The following COL6A5 variants were observed in gnomAD, a reference collection of about 807,000 sequenced individuals.
COL6A5 encodes collagen alpha-5(VI) chain.
In COL6A5, 48 loss-of-function variants were observed where a neutral mutation model predicts 65.6. The observed-to-expected ratio is 0.73, with a 90% CI of 0.58 to 0.93. The LOEUF (loss-of-function observed/expected upper bound fraction) is 0.93. Ranked by LOEUF, COL6A5 falls within the 40% of genes least tolerant of loss-of-function variation. COL6A5 has a pLI of 0.00. For missense variants in COL6A5, 914 were observed against 928.3 expected, an observed-to-expected ratio of 0.98 and a Z score of 0.20; for synonymous variants, 291 against 322.8, an observed-to-expected ratio of 0.90 and a Z score of 1.05.
At chr3:130,386,488 G>C (rs982995205) in intron 5 of COL6A5, among the ~76,000 whole-genome samples, 1 of 152,028 alleles carries the variant, frequency 6.6e-6, no homozygotes, top group Non-Finnish European at 1.5e-5. Context: ...TAAAAAATAA[G>C]TAAGCAAATA....
At chr3:130,352,128 C>T (rs894763957) in intron 1 of COL6A5, among the ~76,000 whole-genome samples, 3 of 151,924 alleles carry the variant, frequency 2.0e-5, no homozygotes, top group Non-Finnish European at 4.4e-5. Flanking sequence ...GGATACAGGG[C>T]GGGGAACATC....
chr3:130,415,598 G>A (rs775362354), intron 22 of COL6A5, 47 bp from the exon 23 acceptor site: 1 of 1,500,804 alleles, frequency 6.7e-7, no homozygotes, highest in African/African-American at 1.4e-5. Flanking sequence ...TGAGAAGTAA[G>A]CTTTCATTGA....
At chr3:130,376,719 C>T in exon 3 of COL6A5, 1 of 1,613,724 alleles carries the variant, frequency 6.2e-7, no homozygotes. Flanking sequence ...GGCCACATCC[C>T]ATTTCCATTT....
exon 1 of COL6A5, chr3:130,431,810 G>A: frequency 1.3e-6 from 2 of 1,551,620 alleles, no homozygotes; most frequent in Non-Finnish European, 1.7e-6. Flanking sequence ...GCCAACGTGA[G>A]GAGAGTTGCT....
At chr3:130,393,076 T>TTGTG (rs923185497) in intron 7 of COL6A5, among the ~76,000 whole-genome samples, 106 of 92,282 alleles carry the variant, frequency 1.1e-3, no homozygotes, top group African/African-American at 4.5e-3. Context: ...TGTTTTTTTT[T>TTGTG]TGTGTGTGTG....
rs143557727 is a variant in COL6A5, at chr3:130,476,530, A to G, written c.2328+5563A>G. Among the ~76,000 whole-genome samples, 987 of 152,182 alleles carry G rather than the reference A, an allele frequency of 6.5e-3. 12 individuals carry two copies. The highest frequency in any genetic ancestry group is 0.023 in the African/African-American group (942 of 41,546). On this transcript the variant is annotated intron_variant, in intron 7 of 7. Transcript: ENST00000512836. ...TTTTGAAAAGTCCAAAGTCTAGCCCACACCCCATATCAATTAAGTCACATT... is the reference window on the plus strand; with the variant it reads ...TTTTGAAAAGTCCAAAGTCTAGCCCGCACCCCATATCAATTAAGTCACATT...
chr3:130,384,972 C>G, exon 5 of COL6A5: 1 of 1,550,954 alleles, frequency 6.4e-7, no homozygotes. Flanking sequence ...TCAGATGACA[C>G]AGAAGTGGAA....
chr3:130,395,419 G>A (rs1559877351), exon 8 of COL6A5: 1 of 1,543,618 alleles, frequency 6.5e-7, no homozygotes, highest in Admixed American at 2.1e-5. Context: ...ATGTGGATGT[G>A]AAAAAAAGAA....
chr3:130,376,138 T>C (rs1935758737), intron 2 of COL6A5, 99 bp from the exon 3 acceptor site: 9 of 1,232,524 alleles, frequency 7.3e-6, no homozygotes, highest in Non-Finnish European at 9.7e-6. Context: ...GATTCTGATA[T>C]ACACTTAACA....
At chr3:130,371,068 C>T (rs1399553199) in intron 1 of COL6A5, among the ~76,000 whole-genome samples, 1 of 152,172 alleles carries the variant, frequency 6.6e-6, no homozygotes, top group Non-Finnish European at 1.5e-5. Context: ...CATTTACTGG[C>T]TTCTGAATTC....
intron 1 of COL6A5, among the ~76,000 whole-genome samples, chr3:130,432,540 A>C: frequency 8.4e-6 from 1 of 119,240 alleles, no homozygotes; most frequent in South Asian, 2.7e-4. Context: ...ACAGAGAAAG[A>C]CTCTGTCAAA....
intron 4 of COL6A5, among the ~76,000 whole-genome samples, chr3:130,449,938 A>C (rs930600937): frequency 3.3e-5 from 5 of 152,106 alleles, no homozygotes; most frequent in African/African-American, 1.2e-4. Context: ...CCGAACCTTG[A>C]GGTAAAGGGC....
chr3:130,392,555 A>G (rs186232033), intron 7 of COL6A5, among the ~76,000 whole-genome samples: 6 of 152,258 alleles, frequency 3.9e-5, no homozygotes, highest in African/African-American at 1.2e-4. Context: ...AAATGAAACA[A>G]TTAACTCTCA....
intron 7 of COL6A5, among the ~76,000 whole-genome samples, chr3:130,472,853 A>ATG (rs1709991123): frequency 6.9e-6 from 1 of 144,400 alleles, no homozygotes; most frequent in African/African-American, 2.5e-5. Flanking sequence ...ATATATATAT[A>ATG]TATATACACA....
intron 1 of COL6A5, among the ~76,000 whole-genome samples, chr3:130,356,299 G>T (rs916614623): frequency 1.8e-4 from 27 of 152,104 alleles, no homozygotes; most frequent in African/African-American, 4.8e-5. Flanking sequence ...GGAAATAAGA[G>T]AATTGATGAA....
At chr3:130,396,725 C>G (rs963866869) in intron 8 of COL6A5, among the ~76,000 whole-genome samples, 1 of 152,210 alleles carries the variant, frequency 6.6e-6, no homozygotes, top group African/African-American at 2.4e-5. Context: ...AGAAATGGGT[C>G]ATTGTTCTCC....
At chr3:130,349,429 T>A (rs1240113536) in intron 1 of COL6A5, among the ~76,000 whole-genome samples, 1 of 152,192 alleles carries the variant, frequency 6.6e-6, no homozygotes, top group Non-Finnish European at 1.5e-5. Flanking sequence ...AAGTGAGAAT[T>A]AGAGATTATT....
chr3:130,382,501 T>C (rs79360032), intron 4 of COL6A5, among the ~76,000 whole-genome samples: 8,940 of 152,216 alleles, frequency 0.059, 680 homozygotes, highest in East Asian at 0.32. Context: ...TTGAGGAGCT[T>C]GTTAATAATT....
intron 4 of COL6A5, among the ~76,000 whole-genome samples, chr3:130,450,587 C>T (rs981530259): frequency 1.3e-5 from 2 of 152,114 alleles, no homozygotes; most frequent in Non-Finnish European, 2.9e-5. Flanking sequence ...TAAATTTTGT[C>T]GTTGGACAGA....
Sources: gnomAD v4.1 joint callset for allele counts (sites outside exome capture counted in the v4.1 genomes callset) on GRCh38, gnomAD v4.1.1 for gene constraint, MANE v1.5 for transcripts, NCBI Gene and HGNC (gene_info 2026-07-23, HGNC 2026-07-21) for gene names.